The following RASAL2 variants were observed in gnomAD, a reference collection of about 807,000 sequenced individuals.
RASAL2 encodes the protein RAS protein activator like 2, also known as ras GTPase-activating protein nGAP.
In RASAL2, 58 loss-of-function variants were observed where a neutral mutation model predicts 128.9. That is an observed-to-expected ratio of 0.45 (90% confidence interval 0.36 to 0.56). RASAL2 has a LOEUF of 0.56. RASAL2 is among the 20% of genes least tolerant of loss of function. The pLI is 0.00. For synonymous variants in RASAL2, 561 were observed against 580.8 expected, an observed-to-expected ratio of 0.97 and a Z score of 0.49; for missense variants, 1,360 against 1,601.6, an observed-to-expected ratio of 0.85 and a Z score of 2.57.
chr1:178,399,038 G>A (rs561429739), intron 4 of RASAL2, among the ~76,000 whole-genome samples: 1 of 152,280 alleles, frequency 6.6e-6, no homozygotes, highest in Admixed American at 6.5e-5. Context: ...TTGATCTTTG[G>A]ATTTGTATTT....
chr1:178,302,779 C>G (rs971823607), intron 3 of RASAL2, among the ~76,000 whole-genome samples: 1 of 152,148 alleles, frequency 6.6e-6, no homozygotes, highest in African/African-American at 2.4e-5. Flanking sequence ...CAGTGGTTCA[C>G]GCCTATAATC....
intron 5 of RASAL2, among the ~76,000 whole-genome samples, chr1:178,424,164 C>G (rs1675349962): frequency 6.6e-6 from 1 of 151,652 alleles, no homozygotes; most frequent in Admixed American, 6.6e-5. Flanking sequence ...CTGGAGCGAT[C>G]CAGAGGATAA....
intron 2 of RASAL2, among the ~76,000 whole-genome samples, chr1:178,286,235 G>A (rs1254281410): frequency 6.6e-6 from 1 of 152,010 alleles, no homozygotes; most frequent in African/African-American, 2.4e-5. Flanking sequence ...TAACTTCTTA[G>A]TCTTACAAGA....
At chr1:178,142,166 C>T (rs1304512609) in intron 1 of RASAL2, among the ~76,000 whole-genome samples, 1 of 152,130 alleles carries the variant, frequency 6.6e-6, no homozygotes, top group Non-Finnish European at 1.5e-5. Context: ...AGCACTGTCG[C>T]CTGGATTTTT....
chr1:178,450,563 C>G (rs1677305355), intron 9 of RASAL2, among the ~76,000 whole-genome samples: 1 of 152,112 alleles, frequency 6.6e-6, no homozygotes, highest in South Asian at 2.1e-4. Context: ...TAGAAATGCT[C>G]TTTCTGCTGC....
chr1:178,394,307 T>G (rs979099254), intron 4 of RASAL2, among the ~76,000 whole-genome samples: 1 of 152,230 alleles, frequency 6.6e-6, no homozygotes, highest in Non-Finnish European at 1.5e-5. Context: ...GTGCTAGACT[T>G]TCATTTAAAT....
rs548754820 is a variant in RASAL2 at position 178,337,759 on chromosome 1, T to C, written c.457+37641T>C. On this transcript the variant is annotated intron_variant, in intron 3 of 17. Transcript: ENST00000367649. Reference sequence around the variant, plus strand: ...TAATTTTTTTTTTTTGAGACGGAGTTTTGCTCTTATTGCCCAGGCTGGAGT... The same window carrying C: ...TAATTTTTTTTTTTTGAGACGGAGTCTTGCTCTTATTGCCCAGGCTGGAGT... 1.3e-5 allele frequency among the ~76,000 whole-genome samples: 2 copies of C among 152,032 alleles called. 1 individual carries two copies. The highest frequency in any genetic ancestry group is 4.2e-4 in the South Asian group (2 of 4,806).
intron 1 of RASAL2, among the ~76,000 whole-genome samples, chr1:178,182,841 A>G (rs1278261833): frequency 1.6e-5 from 2 of 122,022 alleles, no homozygotes; most frequent in African/African-American, 6.1e-5. Flanking sequence ...CAATTTTTCC[A>G]TGGACTGGGG....
At chr1:178,224,420 G>C (rs929037319) in intron 1 of RASAL2, among the ~76,000 whole-genome samples, 1 of 152,014 alleles carries the variant, frequency 6.6e-6, no homozygotes, top group African/African-American at 2.4e-5. Context: ...TTTCACTTCT[G>C]ATACTTAGAA....
chr1:178,209,221 G>A (rs1282632179), intron 1 of RASAL2, among the ~76,000 whole-genome samples: 2 of 151,960 alleles, frequency 1.3e-5, no homozygotes, highest in South Asian at 2.1e-4. Context: ...TTTTGTCTCC[G>A]TTGGTTGCTC....
intron 1 of RASAL2, among the ~76,000 whole-genome samples, chr1:178,105,306 C>T (rs865796419): frequency 6.6e-6 from 1 of 151,974 alleles, no homozygotes; most frequent in Non-Finnish European, 1.5e-5. Flanking sequence ...TTATATAGAC[C>T]GTTAACAAAG....
At chr1:178,269,043 T>C (rs1040762663) in intron 1 of RASAL2, among the ~76,000 whole-genome samples, 3 of 152,212 alleles carry the variant, frequency 2.0e-5, no homozygotes, top group African/African-American at 7.2e-5. Flanking sequence ...TATCTGAGTG[T>C]GCTGTATTTG....
rs757162877 is a variant in RASAL2 at position 178,452,390 on chromosome 1, G to A, written c.1773-26G>A. The A allele has an allele frequency of 5.0e-6, 8 of 1,591,294 alleles. No individual in the cohort carries two copies. The East Asian group carries it at 6.7e-5, about 13-fold the overall frequency. ...TGTACTGGTACTTCTGTGTTTAGAG[G>A]TTTTGGTACTTCTTTCCTTCCCTAG... On this transcript the variant is annotated intron_variant, in intron 10 of 17. Transcript: ENST00000367649.
At chr1:178,134,270 G>T (rs975479106) in intron 1 of RASAL2, among the ~76,000 whole-genome samples, 2 of 151,932 alleles carry the variant, frequency 1.3e-5, no homozygotes, top group African/African-American at 2.4e-5. Flanking sequence ...GGAAGCCTTA[G>T]TTGTTAATCA....
intron 1 of RASAL2, among the ~76,000 whole-genome samples, chr1:178,232,051 T>A (rs1018757239): frequency 6.6e-6 from 1 of 152,200 alleles, no homozygotes; most frequent in Non-Finnish European, 1.5e-5. Context: ...TGTTTTTCAT[T>A]GTAAAACATT....
At chr1:178,347,602 C>G (rs966329648) in intron 3 of RASAL2, among the ~76,000 whole-genome samples, 1 of 151,822 alleles carries the variant, frequency 6.6e-6, no homozygotes, top group Non-Finnish European at 1.5e-5. Flanking sequence ...CAAATTTAAA[C>G]CAAAATAGGA....
At chr1:178,471,877 G>T (rs2102970261) in intron 17 of RASAL2, among the ~76,000 whole-genome samples, 2 of 152,288 alleles carry the variant, frequency 1.3e-5, no homozygotes, top group African/African-American at 4.8e-5. Flanking sequence ...CACCAGCCCT[G>T]AGCCCTGCTA....
rs559159449 is a variant in RASAL2, at chr1:178,450,166, G to T, written c.1628-1405G>T. Among the ~76,000 whole-genome samples the T allele has an allele frequency of 3.7e-3, 565 of 152,214 alleles. 8 individuals are homozygous for T. Among genetic ancestry groups the T allele is most frequent in the African/African-American group, 0.013 (543 of 41,554 alleles). ...TCACCTGACAAAAAATTATTCAAAA[G>T]TTGCATGATTTTTAAATTAAAATAC... On this transcript the variant is annotated intron_variant, in intron 9 of 17. Transcript: ENST00000367649.
At chr1:178,244,971 T>G (rs1664704114) in intron 1 of RASAL2, among the ~76,000 whole-genome samples, 1 of 152,224 alleles carries the variant, frequency 6.6e-6, no homozygotes, top group African/African-American at 2.4e-5. Context: ...TTATCCAGTC[T>G]ATCATTGATG....
Sources: gnomAD v4.1 joint callset for allele counts (sites outside exome capture counted in the v4.1 genomes callset) on GRCh38, gnomAD v4.1.1 for gene constraint, MANE v1.5 for transcripts, NCBI Gene and HGNC (gene_info 2026-07-23, HGNC 2026-07-21) for gene names.